The following ERMP1 variants were observed in gnomAD, a reference collection of about 807,000 sequenced individuals.
ERMP1 encodes Felix-ina.
A neutral mutation model predicts 92.0 loss-of-function variants in ERMP1; 86 were observed. The ratio of observed to expected loss-of-function variants is 0.93; its 90% confidence interval spans 0.79 to 1.12. ERMP1 has a LOEUF of 1.12. Among genes scored for constraint, ERMP1 ranks in the 50% most tolerant of loss-of-function variants. ERMP1 has a pLI of 0.00. For synonymous variants in ERMP1, 530 were observed against 412.8 expected (o/e 1.28, Z -3.44); for missense variants, 1,342 against 1,116.3 (o/e 1.20, Z -2.88).
intron 6 of ERMP1, among the ~76,000 whole-genome samples, chr9:5,854,018 C>A (rs1187876005): frequency 6.6e-6 from 1 of 151,448 alleles, no homozygotes; most frequent in Non-Finnish European, 1.5e-5. Flanking sequence ...AGTGAAGAGC[C>A]AAAGAAGCAG....
upstream of ERMP1, among the ~76,000 whole-genome samples, chr9:5,834,497 C>T (rs1830058113): frequency 6.6e-6 from 1 of 152,108 alleles, no homozygotes; most frequent in Non-Finnish European, 1.5e-5. Context: ...AGTATGTAGT[C>T]AATAGATATT....
intron 6 of ERMP1, among the ~76,000 whole-genome samples, chr9:5,855,419 G>A (rs1460957916): frequency 6.6e-6 from 1 of 152,188 alleles, no homozygotes; most frequent in East Asian, 1.9e-4. Flanking sequence ...GCTTACTGGT[G>A]CTGTGATTCA....
At chr9:5,848,175 C>A (rs531035972) in intron 6 of ERMP1, among the ~76,000 whole-genome samples, 1 of 152,270 alleles carries the variant, frequency 6.6e-6, no homozygotes, top group Non-Finnish European at 1.5e-5. Context: ...AAGGGACTTT[C>A]AAATGTGATT....
chr9:5,791,401 C>A, intron 13 of ERMP1: 1 of 441,056 alleles, frequency 2.3e-6, no homozygotes, highest in Non-Finnish European at 4.6e-6. Context: ...ATGAGGCTCA[C>A]TTGCATTATG....
chr9:5,813,365 G>T (rs1201391491), intron 4 of ERMP1, among the ~76,000 whole-genome samples: 1 of 152,114 alleles, frequency 6.6e-6, no homozygotes, highest in Admixed American at 6.5e-5. Flanking sequence ...AGAATTGTGT[G>T]TATATAGCTG....
At chr9:5,844,746 T>G (rs1816006574) in intron 6 of ERMP1, among the ~76,000 whole-genome samples, 1 of 152,146 alleles carries the variant, frequency 6.6e-6, no homozygotes, top group Admixed American at 6.5e-5. Flanking sequence ...TATATATGGG[T>G]GGATTTTTCA....
intron 6 of ERMP1, among the ~76,000 whole-genome samples, chr9:5,849,785 C>G (rs12001398): frequency 1.1e-3 from 175 of 152,280 alleles, no homozygotes; most frequent in African/African-American, 3.8e-3. Flanking sequence ...AGAGCCTGTG[C>G]TAGCAGTGGT....
chr9:5,833,237 C>T (rs759387592), upstream of ERMP1: 6 of 490,676 alleles, frequency 1.2e-5, no homozygotes, highest in African/African-American at 2.0e-5. Context: ...GACCCAGCAG[C>T]GGGTGGTGGA....
At chr9:5,864,633 G>A (rs1396917006) in intron 5 of ERMP1, among the ~76,000 whole-genome samples, 1 of 152,204 alleles carries the variant, frequency 6.6e-6, no homozygotes, top group African/African-American at 2.4e-5. Context: ...GGGGCAGGTG[G>A]AAGAAGCCAG....
At chr9:5,823,146 G>A (rs1043954879) in intron 4 of ERMP1, among the ~76,000 whole-genome samples, 25 of 152,102 alleles carry the variant, frequency 1.6e-4, no homozygotes, top group Non-Finnish European at 3.1e-4. Flanking sequence ...ATAGCCAGGC[G>A]TGATAGCAAG....
At chr9:5,828,481 G>C (rs1430652052) in intron 2 of ERMP1, among the ~76,000 whole-genome samples, 2 of 152,134 alleles carry the variant, frequency 1.3e-5, no homozygotes, top group Admixed American at 6.5e-5. Context: ...AGCACAAAAG[G>C]AATCTATATA....
intron 4 of ERMP1, 70 bp from the exon 5 acceptor site, chr9:5,813,105 A>G (rs1829169294): frequency 6.5e-7 from 1 of 1,543,974 alleles, no homozygotes; most frequent in Non-Finnish European, 8.9e-7. Flanking sequence ...ATGTTTTTCA[A>G]CACATAGAAA....
chr9:5,802,577 G>T (rs991935843), intron 10 of ERMP1, among the ~76,000 whole-genome samples: 1 of 152,090 alleles, frequency 6.6e-6, no homozygotes, highest in Admixed American at 6.5e-5. Flanking sequence ...GTACAGACAG[G>T]GTTTCACCAT....
intron 4 of ERMP1, among the ~76,000 whole-genome samples, chr9:5,823,226 A>G (rs1829606784): frequency 6.6e-6 from 1 of 152,146 alleles, no homozygotes; most frequent in African/African-American, 2.4e-5. Flanking sequence ...TCAAGGCTGC[A>G]TGATGGCACC....
intron 2 of ERMP1, among the ~76,000 whole-genome samples, chr9:5,825,917 G>C (rs1829716364): frequency 6.6e-6 from 1 of 152,126 alleles, no homozygotes; most frequent in South Asian, 2.1e-4. Context: ...TAACTGTCTT[G>C]CTTTTTTAAA....
chr9:5,855,251 G>C (rs993061168), intron 6 of ERMP1, among the ~76,000 whole-genome samples: 2 of 152,132 alleles, frequency 1.3e-5, no homozygotes, highest in African/African-American at 4.8e-5. Flanking sequence ...ATGGAGTATG[G>C]ATGAAGCAAA....
intron 4 of ERMP1, among the ~76,000 whole-genome samples, chr9:5,814,705 G>C (rs147860349): frequency 6.6e-6 from 1 of 152,116 alleles, no homozygotes; most frequent in Non-Finnish European, 1.5e-5. Flanking sequence ...ACTCCAGCCT[G>C]GGTGACAGAG....
upstream of ERMP1, chr9:5,833,151 T>A: frequency 2.3e-6 from 2 of 879,034 alleles, no homozygotes; most frequent in South Asian, 2.2e-5. Context: ...GGGCCAAACT[T>A]CTTCTGATTG....
rs774674602 is a variant in ERMP1 at position 5,832,957 on chromosome 9, G to A, written c.71C>T (p.Ala24Val). 9 of 1,565,106 alleles carry A rather than the reference G, an allele frequency of 5.8e-6. No individual in the cohort carries two copies. The African/African-American group carries it at 1.3e-4, about 22-fold the overall frequency. The change falls in exon 1 of 15, where the codon GCG becomes GTG. Residue 24 changes from alanine to valine, a missense_variant. Transcript: ENST00000339450. ...RVGVERREGAAAAPPPEREAR... is the reference protein window; with the variant it reads ...RVGVERREGAVAAPPPEREAR... ...CTCCCTCTCCGGCGGTGGCGCGGCC[G>A]CCGCTCCCTCTCGACGCTCTACTCC... is the stretch of plus-strand genomic sequence containing the variant.
Sources: gnomAD v4.1 joint callset for allele counts (sites outside exome capture counted in the v4.1 genomes callset) on GRCh38, gnomAD v4.1.1 for gene constraint, MANE v1.5 for transcripts, NCBI Gene and HGNC (gene_info 2026-07-23, HGNC 2026-07-21) for gene names.